Variants in OLFM3 observed in about 807,000 individuals in gnomAD.
OLFM3 encodes olfactomedin 3.
A neutral mutation model predicts 48.6 loss-of-function variants in OLFM3; 20 were observed. That is an observed-to-expected ratio of 0.41 (90% CI 0.29 to 0.60). The LOEUF (loss-of-function observed/expected upper bound fraction) is 0.60, where lower values mean the gene tolerates loss of function less well. Ranked by LOEUF, OLFM3 falls within the 20% of genes least tolerant of loss-of-function variation. OLFM3 has a pLI of 0.28. For missense variants in OLFM3, 437 were observed against 544.3 expected (o/e 0.80, Z 1.96); for synonymous variants, 222 against 198.1 (o/e 1.12, Z -1.01).
chr1:101,818,576 AC>A (rs1172834300), intron 4 of OLFM3, among the ~76,000 whole-genome samples: 2 of 152,038 alleles, frequency 1.3e-5, no homozygotes, highest in Non-Finnish European at 2.9e-5. Flanking sequence ...CCACATCTCT[AC>A]CTCAGGCACA....
At chr1:101,844,160 A>G (rs1655871461) in intron 1 of OLFM3, among the ~76,000 whole-genome samples, 1 of 152,226 alleles carries the variant, frequency 6.6e-6, no homozygotes, top group African/African-American at 2.4e-5. Context: ...CCTAAGCAAA[A>G]GAACCTCTTT....
At chr1:101,953,763 A>G (rs1214628728) in intron 1 of OLFM3, among the ~76,000 whole-genome samples, 2 of 152,172 alleles carry the variant, frequency 1.3e-5, no homozygotes, top group Non-Finnish European at 2.9e-5. Flanking sequence ...TTTTGTGAGC[A>G]GGTAGAACAG....
At chr1:101,869,970 G>A (rs1024363952) in intron 1 of OLFM3, among the ~76,000 whole-genome samples, 2 of 152,084 alleles carry the variant, frequency 1.3e-5, no homozygotes, top group African/African-American at 4.8e-5. Context: ...AGTTCTTTAT[G>A]GCAGCATGAG....
chr1:101,959,395 G>A (rs1660400679), intron 1 of OLFM3, among the ~76,000 whole-genome samples: 1 of 150,780 alleles, frequency 6.6e-6, no homozygotes, highest in Non-Finnish European at 1.5e-5. Context: ...TGAATTTGGA[G>A]GCATAAGGAT....
At chr1:101,994,280 A>C (rs1293414541) in intron 1 of OLFM3, among the ~76,000 whole-genome samples, 2 of 150,992 alleles carry the variant, frequency 1.3e-5, no homozygotes, top group Non-Finnish European at 3.0e-5. Flanking sequence ...ATGATGACCC[A>C]TATCACTCCA....
chr1:101,836,111 A>C (rs1056746709), intron 2 of OLFM3, among the ~76,000 whole-genome samples: 13 of 152,198 alleles, frequency 8.5e-5, no homozygotes, highest in Non-Finnish European at 8.8e-5. Flanking sequence ...TACCTAATTT[A>C]TCTTATTATT....
chr1:101,918,335 T>G (rs1312965924), intron 1 of OLFM3, among the ~76,000 whole-genome samples: 1 of 152,136 alleles, frequency 6.6e-6, no homozygotes, highest in Non-Finnish European at 1.5e-5. Flanking sequence ...ATATCTTAAG[T>G]TGTTTTGGTC....
At chr1:101,865,170 G>C (rs1344721604) in intron 1 of OLFM3, among the ~76,000 whole-genome samples, 1 of 151,672 alleles carries the variant, frequency 6.6e-6, no homozygotes, top group Non-Finnish European at 1.5e-5. Flanking sequence ...TGCTTATTCT[G>C]TCTTCCCTGC....
chr1:101,852,752 C>T (rs192487017), intron 1 of OLFM3, among the ~76,000 whole-genome samples: 1 of 152,250 alleles, frequency 6.6e-6, no homozygotes, highest in East Asian at 1.9e-4. Flanking sequence ...TGCAGCCATT[C>T]CTGCAATCTT....
intron 4 of OLFM3, among the ~76,000 whole-genome samples, chr1:101,818,490 A>C (rs958876529): frequency 9.9e-5 from 15 of 152,130 alleles, no homozygotes; most frequent in African/African-American, 3.1e-4. Context: ...TTGGTAAATG[A>C]CTTATTTGAA....
chr1:101,879,914 T>C (rs866429388), intron 1 of OLFM3, among the ~76,000 whole-genome samples: 2 of 151,844 alleles, frequency 1.3e-5, no homozygotes, highest in South Asian at 4.1e-4. Context: ...ATATAATTGA[T>C]GAAAAAGCTC....
chr1:101,864,022 G>T (rs971079228), intron 1 of OLFM3, among the ~76,000 whole-genome samples: 2 of 152,134 alleles, frequency 1.3e-5, no homozygotes, highest in African/African-American at 4.8e-5. Flanking sequence ...AGCTTAGAGG[G>T]CGCCAGTGCC....
chr1:101,882,868 C>A (rs1167270517), intron 1 of OLFM3: 1 of 151,846 alleles, frequency 6.6e-6, no homozygotes, highest in South Asian at 2.1e-4. Context: ...GGAGCCTGAT[C>A]ACCTGTTTTA....
At chr1:101,896,032 C>T (rs911959882) in intron 1 of OLFM3, among the ~76,000 whole-genome samples, 12 of 150,322 alleles carry the variant, frequency 8.0e-5, no homozygotes, top group Non-Finnish European at 1.6e-4. Context: ...TTGCTTATAT[C>T]GATTTATGTA....
At chr1:101,980,163 GGA>G (rs1661068828) in intron 1 of OLFM3, among the ~76,000 whole-genome samples, 1 of 152,122 alleles carries the variant, frequency 6.6e-6, no homozygotes, top group South Asian at 2.1e-4. Flanking sequence ...TAGGCAGAAG[GGA>G]CTTGCCTTGT....
intron 1 of OLFM3, among the ~76,000 whole-genome samples, chr1:101,932,802 T>C (rs1046267415): frequency 1.3e-5 from 2 of 152,126 alleles, no homozygotes; most frequent in Non-Finnish European, 2.9e-5. Context: ...TGGTTCTTAA[T>C]ATGGCTGAAA....
intron 3 of OLFM3, among the ~76,000 whole-genome samples, chr1:101,827,562 A>G (rs1261004518): frequency 6.6e-6 from 1 of 152,152 alleles, no homozygotes; most frequent in Non-Finnish European, 1.5e-5. Flanking sequence ...TTACTTTGGA[A>G]CGTTCCATTT....
chr1:101,858,589 C>A (rs188124590), intron 1 of OLFM3, among the ~76,000 whole-genome samples: 1 of 151,910 alleles, frequency 6.6e-6, no homozygotes. Context: ...GAGGAGGGGC[C>A]TGGTGGGAGG....
chr1:101,891,395 T>C (rs1417731309), intron 1 of OLFM3, among the ~76,000 whole-genome samples: 4 of 151,950 alleles, frequency 2.6e-5, no homozygotes, highest in African/African-American at 7.2e-5. Flanking sequence ...GTAGATACTA[T>C]ATGAATAACA....
Sources: gnomAD v4.1 joint callset for allele counts (sites outside exome capture counted in the v4.1 genomes callset) on GRCh38, gnomAD v4.1.1 for gene constraint, MANE v1.5 for transcripts, NCBI Gene and HGNC (gene_info 2026-07-23, HGNC 2026-07-21) for gene names.